Variants in NRG2 observed in about 807,000 individuals in gnomAD.
The protein encoded by NRG2 is pro-neuregulin-2, membrane-bound isoform.
Under a neutral mutation model 73.9 loss-of-function variants are expected in NRG2, and 27 were observed. That is an observed-to-expected ratio of 0.37 (90% CI 0.27 to 0.50). The LOEUF is 0.50. Among genes scored for constraint, NRG2 ranks in the 20% least tolerant of loss-of-function variants. The probability of loss-of-function intolerance (pLI) is 0.96; values close to 1 mark genes in which losing one functional copy is unlikely to be tolerated. For synonymous variants in NRG2, 532 were observed against 541.0 expected (o/e 0.98, Z 0.23); for missense variants, 1,126 against 1,210.1 (o/e 0.93, Z 1.03).
At chr5:139,980,782 T>TTCCTACCA (rs1428337245) in intron 1 of NRG2, among the ~76,000 whole-genome samples, 1 of 152,202 alleles carries the variant, frequency 6.6e-6, no homozygotes, top group Admixed American at 6.5e-5. Context: ...CTGTCTCTTC[T>TTCCTACCA]TCCTACCACT....
Position 139,847,942 on chromosome 5 carries a change from G to A in NRG2, c.2528C>T (p.Ala843Val). Residue 843 changes from alanine (A) to valine (V), a missense_variant, in exon 10 of 10, where the codon GCC becomes GTC. Ala to Val is a moderately conservative substitution (Grantham distance 64). Coordinates refer to ENST00000361474, the MANE Select transcript of NRG2 (RefSeq NM_004883.3). ...CTAGAGTGGCGCCGAGTCCTGCTTGGCCCGCGGGGGCGGCCCGCGGCTGTG... is the reference window on the plus strand; with the variant it reads ...CTAGAGTGGCGCCGAGTCCTGCTTGACCCGCGGGGGCGGCCCGCGGCTGTG... ...SRHSRGPPPR[A>V]KQDSAPL is the part of the protein sequence containing the mutation. 1.3e-6 allele frequency: 2 copies of A among 1,501,352 alleles called. No individual in the cohort carries two copies. The highest frequency in any genetic ancestry group is 1.8e-6 in the Non-Finnish European group (2 of 1,130,612). 93.0% of individuals were successfully genotyped at this position (1,501,352 alleles called of 1,614,324 possible).
At position 139,954,158 on chromosome 5, in the gene NRG2, C is replaced by T. The variant is rs1054245518; in HGVS notation, c.701-66647G>A. Among the ~76,000 whole-genome samples, 38 of 152,106 alleles carry T rather than the reference C, an allele frequency of 2.5e-4. No individual in the cohort carries two copies. The highest frequency in any genetic ancestry group is 3.4e-4 in the Non-Finnish European group (23 of 67,994). On this transcript the variant is annotated intron_variant, in intron 1 of 9. Transcript: ENST00000361474. This position sits in a 1 kb window ranked among gnomAD's most constrained non-coding sequence, Gnocchi z 5.0. ...CGGTTCTCTCCCCTTGCCTCCTGCA[C>T]GATCGTGGCAAGACAACTGCTTCTC... is the stretch of plus-strand genomic sequence containing the variant.
chr5:139,864,389 T>C (rs1174612178), intron 5 of NRG2, among the ~76,000 whole-genome samples: 8 of 151,010 alleles, frequency 5.3e-5, no homozygotes, highest in South Asian at 2.1e-4. Context: ...CTTCTTCTTT[T>C]TTTTTTTTTT....
chr5:139,943,780 CAT>C (rs969100419), intron 1 of NRG2, among the ~76,000 whole-genome samples: 1 of 152,178 alleles, frequency 6.6e-6, no homozygotes, highest in Non-Finnish European at 1.5e-5. Flanking sequence ...TAGTGATACA[CAT>C]GTCACTTATT....
In NRG2 at chr5:140,043,064, C is replaced by T. The variant is rs1762100347; in HGVS notation, c.6G>A (p.Arg2=). 1.9e-6 allele frequency: 3 copies of T among 1,559,734 alleles called. No individual in the cohort carries two copies. Among genetic ancestry groups the T allele is most frequent in the Non-Finnish European group, 2.6e-6 (3 of 1,161,376 alleles). M[R]QVCCSALPPP... is the part of the protein sequence containing the mutation. ...GCGGCAGCGCTGAGCAGCAAACCTG[C>T]CGCATCTGGCCAGGCCATTTGGGGG... is the stretch of plus-strand genomic sequence containing the variant. Residue 2 remains arginine (R), a synonymous_variant, in exon 1 of 10, where the codon CGG becomes CGA. Coordinates refer to ENST00000361474, the MANE Select transcript of NRG2 (RefSeq NM_004883.3). The surrounding 1 kb of genome is among the most constrained non-coding windows in gnomAD (Gnocchi z 6.7).
chr5:139,909,192 T>A (rs549794277), intron 1 of NRG2, among the ~76,000 whole-genome samples: 2 of 152,368 alleles, frequency 1.3e-5, no homozygotes, highest in Non-Finnish European at 2.9e-5. Context: ...GCTTACAAAC[T>A]TTTTTCCTTT....
At chr5:139,977,810 C>T (rs1756494596) in intron 1 of NRG2, among the ~76,000 whole-genome samples, 1 of 152,154 alleles carries the variant, frequency 6.6e-6, no homozygotes, top group Admixed American at 6.5e-5. Context: ...ACTATCTGAT[C>T]TTTGACAAAC....
Position 139,865,514 on chromosome 5 carries a change from G to A in NRG2, c.1189+35C>T. ...GGGACTGCACCCAGAAGCTTTCTAA[G>A]GAGCAGGGACTTGTGTTTGTATCTT... On this transcript the variant is annotated intron_variant, in intron 5 of 9. Transcript: ENST00000361474. This position sits in a 1 kb window ranked among gnomAD's most constrained non-coding sequence, Gnocchi z 5.2. 2 of 1,567,498 alleles carry A rather than the reference G, an allele frequency of 1.3e-6. No individual in the cohort carries two copies. The highest frequency in any genetic ancestry group is 1.8e-6 in the Non-Finnish European group (2 of 1,139,526).
At chr5:139,962,031 A>G (rs949780750) in intron 1 of NRG2, among the ~76,000 whole-genome samples, 1 of 152,156 alleles carries the variant, frequency 6.6e-6, no homozygotes, top group African/African-American at 2.4e-5. Context: ...TGGGATTTAG[A>G]TAGCCGGGTG....
chr5:139,974,809 C>A (rs1756256963), intron 1 of NRG2, among the ~76,000 whole-genome samples: 1 of 152,188 alleles, frequency 6.6e-6, no homozygotes, highest in Non-Finnish European at 1.5e-5. Flanking sequence ...TGGCACATGC[C>A]TATGGGGTGC....
chr5:139,923,671 T>C (rs996145480), intron 1 of NRG2, among the ~76,000 whole-genome samples: 8 of 152,160 alleles, frequency 5.3e-5, no homozygotes, highest in Non-Finnish European at 8.8e-5. Context: ...TCTGGTACGT[T>C]AACTTGAGAA....
chr5:139,995,893 G>A (rs1757979122), intron 1 of NRG2, among the ~76,000 whole-genome samples: 1 of 152,234 alleles, frequency 6.6e-6, no homozygotes, highest in African/African-American at 2.4e-5. Flanking sequence ...GCATGTGCTT[G>A]TAGTCCTAGG....
At chr5:139,864,667 C>T (rs546896693) in intron 5 of NRG2, among the ~76,000 whole-genome samples, 11 of 152,060 alleles carry the variant, frequency 7.2e-5, no homozygotes, top group Non-Finnish European at 1.5e-4. Context: ...CTTCCCTCTA[C>T]CCCATTTCCA....
chr5:139,867,789 T>TATGA (rs1561638630), intron 4 of NRG2, among the ~76,000 whole-genome samples: 18 of 137,814 alleles, frequency 1.3e-4, no homozygotes, highest in South Asian at 4.7e-4. Context: ...TGTGTGTGTG[T>TATGA]GTGTGTGTAT....
chr5:139,871,768 A>G lies in NRG2; in HGVS notation c.1065T>C (p.Asn355=), dbSNP rs761458693. 2 of 1,614,098 alleles carry G rather than the reference A, an allele frequency of 1.2e-6. No homozygotes were observed. Among genetic ancestry groups the G allele is most frequent in the Admixed American group, 3.3e-5 (2 of 60,004 alleles). ...CNETAKSYCV[N]GGVCYYIEGI... is the part of the protein sequence containing the mutation. ...CCTCGATGTAGTAGCAGACGCCTCC[A>G]TTGACGCAATAGGACTTGGCTGTCT... Residue 355 remains asparagine, a synonymous_variant, in exon 4 of 10, where the codon AAT becomes AAC. Coordinates refer to ENST00000361474, the MANE Select transcript of NRG2 (RefSeq NM_004883.3).
intron 1 of NRG2, among the ~76,000 whole-genome samples, chr5:139,968,756 G>A (rs563334122): frequency 1.3e-5 from 2 of 152,368 alleles, no homozygotes; most frequent in Admixed American, 1.3e-4. Context: ...GACTCAGCAA[G>A]CCCAGCAAGA....
chr5:140,011,208 A>G (rs1418086366), intron 1 of NRG2, among the ~76,000 whole-genome samples: 1 of 152,228 alleles, frequency 6.6e-6, no homozygotes, highest in East Asian at 1.9e-4. Flanking sequence ...CTTTGGACAC[A>G]TAGTACATTT....
chr5:139,989,923 G>A (rs1474853314), intron 1 of NRG2, among the ~76,000 whole-genome samples: 12 of 149,786 alleles, frequency 8.0e-5, no homozygotes, highest in African/African-American at 2.2e-4. Flanking sequence ...CGAGTAGCTG[G>A]GACTACAGGT....
chr5:139,959,285 C>G (rs571735097), intron 1 of NRG2, among the ~76,000 whole-genome samples: 1 of 151,770 alleles, frequency 6.6e-6, no homozygotes, highest in East Asian at 1.9e-4. Context: ...CTGCAACCTC[C>G]GCCTCCCAGT....
Sources: allele counts gnomAD v4.1 joint callset (sites outside exome capture counted in the v4.1 genomes callset), GRCh38; gene constraint gnomAD v4.1.1; non-coding constraint Gnocchi (gnomAD v3.1); transcripts MANE v1.5; gene names NCBI Gene and HGNC (gene_info 2026-07-23, HGNC 2026-07-21).